The following ERC1 variants were observed in gnomAD, a reference collection of about 807,000 sequenced individuals.
ERC1 encodes ELKS/RAB6-interacting/CAST family member 1.
In ERC1, 56 loss-of-function variants were observed where a neutral mutation model predicts 132.0. The ratio of observed to expected loss-of-function variants is 0.42; its 90% CI spans 0.34 to 0.53. The LOEUF is 0.53. ERC1 is among the 20% of genes least tolerant of loss of function. The pLI, the probability that ERC1 is intolerant of heterozygous loss-of-function variation, is 0.03. For synonymous variants in ERC1, 478 were observed against 476.1 expected, an observed-to-expected ratio of 1.00 and a Z score of -0.05; for missense variants, 1,202 against 1,349.9, an observed-to-expected ratio of 0.89 and a Z score of 1.72.
chr12:1,378,278 A>C (rs1352695423), intron 16 of ERC1, among the ~76,000 whole-genome samples: 2 of 152,150 alleles, frequency 1.3e-5, no homozygotes, highest in Non-Finnish European at 2.9e-5. Context: ...AATATTTAGG[A>C]CCGCCAAGTT....
At chr12:1,198,148 G>A (rs758800636) in intron 12 of ERC1, among the ~76,000 whole-genome samples, 1 of 152,018 alleles carries the variant, frequency 6.6e-6, no homozygotes, top group Non-Finnish European at 1.5e-5. Context: ...GGCTGGTCTC[G>A]AACTCCTGGG....
At chr12:1,364,914 C>G (rs750252243) in intron 15 of ERC1, among the ~76,000 whole-genome samples, 22 of 152,200 alleles carry the variant, frequency 1.4e-4, no homozygotes, top group Non-Finnish European at 2.9e-5. Context: ...TATTAATACA[C>G]TAGATGTTCC....
intron 11 of ERC1, among the ~76,000 whole-genome samples, chr12:1,186,598 C>G (rs1955120660): frequency 6.6e-6 from 1 of 152,126 alleles, no homozygotes; most frequent in African/African-American, 2.4e-5. Flanking sequence ...TGTTCTTGAC[C>G]TTTTCACATT....
chr12:1,485,685 A>G (rs139753220), intron 18 of ERC1, among the ~76,000 whole-genome samples: 1 of 151,914 alleles, frequency 6.6e-6, no homozygotes, highest in African/African-American at 2.4e-5. Flanking sequence ...TGTGTTTATT[A>G]TGTCTTTCAA....
chr12:1,179,427 C>T (rs1467275397), intron 8 of ERC1, among the ~76,000 whole-genome samples: 2 of 151,062 alleles, frequency 1.3e-5, no homozygotes. Context: ...TGTTTTATAG[C>T]TTGGCTTCAG....
chr12:1,040,398 C>T (rs903559278), intron 2 of ERC1, among the ~76,000 whole-genome samples: 2 of 151,032 alleles, frequency 1.3e-5, no homozygotes, highest in African/African-American at 2.4e-5. Context: ...ACTCCGCCTC[C>T]CGAGTTCATG....
At position 1,493,550 on chromosome 12, in the gene ERC1, TATATATA is replaced by T. The variant is rs1565554134; in HGVS notation, c.*3321_*3327del. 3 of 65,624 alleles carry T rather than the reference TATATATA, an allele frequency of 4.6e-5. No homozygotes were observed. The highest frequency in any genetic ancestry group is 1.7e-4 in the African/African-American group (3 of 17,764). 4.1% of individuals were successfully genotyped at this position (65,624 alleles called of 1,614,324 possible). On this transcript the variant is annotated 3_prime_UTR_variant, in exon 19 of 19. Transcript: ENST00000360905. The stretch of plus-strand genomic sequence containing the variant: ...TCCATTTAAAAAAAAAAAAAAAAAA[TATATATA>T]TATATATATATATATATATATGGAT...
intron 17 of ERC1, among the ~76,000 whole-genome samples, chr12:1,439,895 TAGGG>T (rs1231686055): frequency 6.6e-6 from 1 of 152,178 alleles, no homozygotes; most frequent in African/African-American, 2.4e-5. Flanking sequence ...TCAAATTAGA[TAGGG>T]AGAAAAGGGA....
At chr12:1,215,770 G>A (rs775637665) in intron 12 of ERC1, among the ~76,000 whole-genome samples, 8 of 151,758 alleles carry the variant, frequency 5.3e-5, no homozygotes, top group Non-Finnish European at 1.0e-4. Flanking sequence ...ATCTGAAAAG[G>A]CAAAAAAACA....
At chr12:1,046,912 G>A (rs114008705) in intron 2 of ERC1, among the ~76,000 whole-genome samples, 224 of 152,236 alleles carry the variant, frequency 1.5e-3, no homozygotes, top group African/African-American at 5.2e-3. Context: ...AGGATGTGAC[G>A]CACCCTTCAC....
At position 1,346,960 on chromosome 12, in the gene ERC1, A is replaced by AAAAAAAAAAGAG. The variant is rs1006260266; in HGVS notation, c.2781-24872_2781-24871insAAAAAAAAGAGA. Among the ~76,000 whole-genome samples the AAAAAAAAAAGAG allele has an allele frequency of 1.2e-4, 18 of 149,758 alleles. No individual in the cohort carries two copies. In the East Asian group the frequency reaches 2.0e-3, roughly 16 times the overall value. On this transcript the variant is annotated intron_variant, in intron 15 of 18. Coordinates refer to ENST00000360905, the MANE Select transcript of ERC1 (RefSeq NM_178040.4). ...CGAGACTCCGTCTCAAAAAAAAAAA[A>AAAAAAAAAAGAG]AGAGAGAGATGATGGTTTTCAGGTT...
chr12:1,438,190 C>T (rs1334226567), intron 17 of ERC1, among the ~76,000 whole-genome samples: 2 of 152,208 alleles, frequency 1.3e-5, no homozygotes, highest in Non-Finnish European at 1.5e-5. Flanking sequence ...GACACACTAT[C>T]CTTCATTTTC....
At chr12:1,409,125 A>G (rs2091692205) in intron 17 of ERC1, among the ~76,000 whole-genome samples, 1 of 152,236 alleles carries the variant, frequency 6.6e-6, no homozygotes, top group African/African-American at 2.4e-5. Flanking sequence ...GAAAGCAGCA[A>G]TGGTATTCAA....
At chr12:1,295,728 A>C (rs1753744568) in intron 15 of ERC1, among the ~76,000 whole-genome samples, 1 of 152,136 alleles carries the variant, frequency 6.6e-6, no homozygotes, top group Non-Finnish European at 1.5e-5. Flanking sequence ...AGTCTCACCG[A>C]GATAGAGAAG....
At chr12:1,223,659 C>G (rs1200001028) in intron 12 of ERC1, among the ~76,000 whole-genome samples, 2 of 152,162 alleles carry the variant, frequency 1.3e-5, no homozygotes, top group East Asian at 1.9e-4. Context: ...CTTTTGTTTG[C>G]TTACATCTGT....
At chr12:1,214,863 G>A (rs1216076084) in intron 12 of ERC1, among the ~76,000 whole-genome samples, 3 of 152,132 alleles carry the variant, frequency 2.0e-5, no homozygotes, top group African/African-American at 7.2e-5. Context: ...AGAACACTCT[G>A]AAGCTTAGAG....
chr12:1,153,792 C>G (rs1482176358), intron 8 of ERC1, among the ~76,000 whole-genome samples: 1 of 152,208 alleles, frequency 6.6e-6, no homozygotes, highest in Non-Finnish European at 1.5e-5. Flanking sequence ...TTCACATGGT[C>G]GGATTTTGGC....
chr12:1,351,513 G>C (rs904720487), intron 15 of ERC1, among the ~76,000 whole-genome samples: 1 of 152,164 alleles, frequency 6.6e-6, no homozygotes, highest in Admixed American at 6.6e-5. Flanking sequence ...TAAGTGTGTA[G>C]TGGTATCTCA....
intron 12 of ERC1, among the ~76,000 whole-genome samples, chr12:1,194,566 A>G (rs1251855663): frequency 6.6e-6 from 1 of 152,178 alleles, no homozygotes. Flanking sequence ...CCACCCTGGG[A>G]ACATTGTCCC....
Sources: allele counts gnomAD v4.1 joint callset (sites outside exome capture counted in the v4.1 genomes callset), GRCh38; gene constraint gnomAD v4.1.1; transcripts MANE v1.5; gene names NCBI Gene and HGNC (gene_info 2026-07-23, HGNC 2026-07-21).